Variants in SSX2IP observed in about 807,000 individuals in gnomAD.
The protein encoded by SSX2IP is afadin- and alpha-actinin-binding protein.
Under a neutral mutation model 84.9 loss-of-function variants are expected in SSX2IP, and 55 were observed. The ratio of observed to expected loss-of-function variants is 0.65; its 90% CI spans 0.52 to 0.81. SSX2IP has a LOEUF of 0.81. SSX2IP is among the 30% of genes least tolerant of loss of function. SSX2IP has a pLI of 0.00. For missense variants in SSX2IP, 664 were observed against 705.2 expected, an observed-to-expected ratio of 0.94 and a Z score of 0.66; for synonymous variants, 239 against 234.7, an observed-to-expected ratio of 1.02 and a Z score of -0.17.
chr1:84,690,493 C>CCT (rs1390690201), upstream of SSX2IP: 5 of 152,068 alleles, frequency 3.3e-5, no homozygotes, highest in Non-Finnish European at 5.9e-5. Flanking sequence ...GCTGCGGGCT[C>CCT]CCGCCTTCCC....
intron 6 of SSX2IP, among the ~76,000 whole-genome samples, chr1:84,663,163 A>G (rs767005832): frequency 1.3e-5 from 2 of 152,174 alleles, no homozygotes; most frequent in Non-Finnish European, 2.9e-5. Flanking sequence ...GATAGTAGTA[A>G]TATCTTCTGC....
intron 1 of SSX2IP, among the ~76,000 whole-genome samples, chr1:84,686,423 G>A (rs1207833396): frequency 6.6e-6 from 1 of 152,168 alleles, no homozygotes; most frequent in African/African-American, 2.4e-5. Flanking sequence ...ACAGATAATA[G>A]TGTCATTTAG....
chr1:84,679,611 G>A (rs1262811534), intron 1 of SSX2IP, among the ~76,000 whole-genome samples: 1 of 152,150 alleles, frequency 6.6e-6, no homozygotes, highest in Non-Finnish European at 1.5e-5. Flanking sequence ...TTATTTCCAA[G>A]ATGCTCTCTT....
At chr1:84,683,544 T>C (rs192864919) in intron 1 of SSX2IP, among the ~76,000 whole-genome samples, 3 of 152,302 alleles carry the variant, frequency 2.0e-5, no homozygotes, top group African/African-American at 7.2e-5. Flanking sequence ...CTAACAGGAA[T>C]AAAATTTCTC....
At chr1:84,664,089 G>A (rs1333485362) in intron 6 of SSX2IP, among the ~76,000 whole-genome samples, 1 of 152,114 alleles carries the variant, frequency 6.6e-6, no homozygotes, top group Non-Finnish European at 1.5e-5. Context: ...TACTTCTTTT[G>A]ATACTCAGAA....
At chr1:84,688,121 A>G (rs1254661274) in intron 1 of SSX2IP, among the ~76,000 whole-genome samples, 1 of 152,244 alleles carries the variant, frequency 6.6e-6, no homozygotes, top group Admixed American at 6.5e-5. Context: ...GAATTACTAA[A>G]GAATAATTCA....
At chr1:84,674,162 G>A (rs1007999440) in intron 1 of SSX2IP, among the ~76,000 whole-genome samples, 1 of 152,068 alleles carries the variant, frequency 6.6e-6, no homozygotes, top group African/African-American at 2.4e-5. Flanking sequence ...ATAAATTACC[G>A]TAACAATGAA....
At chr1:84,669,967 T>A in intron 3 of SSX2IP, 74 bp from the exon 4 acceptor site, 1 of 1,062,998 alleles carries the variant, frequency 9.4e-7, no homozygotes, top group Non-Finnish European at 1.4e-6. Context: ...AAACTTTCAG[T>A]TAGATAGGAA....
Position 84,646,178 on chromosome 1 carries a change from TAC to T in SSX2IP, c.*1253_*1254del, listed in dbSNP as rs1380057883. The T allele has an allele frequency of 6.6e-6, 1 of 152,590 alleles. No individual in the cohort carries two copies. Among genetic ancestry groups the T allele is most frequent in the Non-Finnish European group, 1.5e-5 (1 of 68,044 alleles). 9.5% of individuals were successfully genotyped at this position (152,590 alleles called of 1,614,324 possible). A position where few individuals can be genotyped will look rare whatever the true frequency, so the allele number is the denominator to read the frequency against. The stretch of plus-strand genomic sequence containing the variant: ...GGTTGGATCTGTGCAGGCTTCTATG[TAC>T]AGAGACAAGCAGGGTTAGGCACTTA... On this transcript the variant is annotated 3_prime_UTR_variant, in exon 14 of 14. Coordinates refer to ENST00000342203, the MANE Select transcript of SSX2IP (RefSeq NM_001166293.2).
chr1:84,671,330 TA>T, intron 1 of SSX2IP, 22 bp from the exon 2 acceptor site: 1 of 1,471,344 alleles, frequency 6.8e-7, no homozygotes, highest in South Asian at 1.5e-5. Context: ...GATTATAGAA[TA>T]ATAGCATCTA....
At chr1:84,689,316 T>C (rs1656249227) in intron 1 of SSX2IP, among the ~76,000 whole-genome samples, 1 of 152,084 alleles carries the variant, frequency 6.6e-6, no homozygotes, top group Non-Finnish European at 1.5e-5. Flanking sequence ...TCACCAGAAT[T>C]TTCTTCTACC....
intron 12 of SSX2IP, among the ~76,000 whole-genome samples, chr1:84,650,985 G>A (rs909414600): frequency 9.2e-5 from 14 of 152,094 alleles, no homozygotes; most frequent in South Asian, 2.1e-4. Flanking sequence ...GATTACAGGC[G>A]TGAGCCACCG....
chr1:84,647,821 G>C (rs142164992), intron 13 of SSX2IP, among the ~76,000 whole-genome samples: 1 of 151,448 alleles, frequency 6.6e-6, no homozygotes, highest in African/African-American at 2.4e-5. Flanking sequence ...TGAGGCAGCC[G>C]AACTGCTTGA....
chr1:84,644,899 A>G lies in SSX2IP; in HGVS notation c.*2534T>C, dbSNP rs1187425129. 2.0e-5 allele frequency: 3 copies of G among 152,246 alleles called. No individual in the cohort carries two copies. The highest frequency in any genetic ancestry group is 2.9e-5 in the Non-Finnish European group (2 of 68,040). The allele number at this position is 152,246 out of a possible 1,614,324, so 9.4% of individuals were successfully genotyped here. A position where few individuals can be genotyped will look rare whatever the true frequency, so the allele number is the denominator to read the frequency against. On this transcript the variant is annotated 3_prime_UTR_variant, in exon 14 of 14. Transcript: ENST00000342203. ...TCTAATCATTTAATACATTGCTTCT[A>G]TAAGAAAATACTATTTGTTAAATTT...
At chr1:84,686,290 T>A (rs1343517644) in intron 1 of SSX2IP, among the ~76,000 whole-genome samples, 2 of 152,204 alleles carry the variant, frequency 1.3e-5, no homozygotes, top group Non-Finnish European at 2.9e-5. Context: ...AGGGACCAGC[T>A]GGCTGACTTA....
rs34908054 is a variant in SSX2IP at position 84,655,616 on chromosome 1, G to GT, written c.1389+215dup. ...GAAAGCAGTAATAAATGCTTATAGCGTTTTTTTTTCTTAAGTTCAATTCTC... is the reference window on the plus strand; with the variant it reads ...GAAAGCAGTAATAAATGCTTATAGCGTTTTTTTTTTCTTAAGTTCAATTCTC... On this transcript the variant is annotated intron_variant, in intron 11 of 13. Coordinates refer to ENST00000342203, the MANE Select transcript of SSX2IP (RefSeq NM_001166293.2). The GT allele has an allele frequency of 3.4e-3, 4,896 of 1,419,318 alleles. 1 individual carries two copies. The highest frequency in any genetic ancestry group is 8.2e-3 in the East Asian group (287 of 35,192). 87.9% of individuals were successfully genotyped at this position (1,419,318 alleles called of 1,614,324 possible).
At chr1:84,676,712 T>TC (rs1488222519) in intron 1 of SSX2IP, among the ~76,000 whole-genome samples, 19 of 122,590 alleles carry the variant, frequency 1.5e-4, no homozygotes, top group Non-Finnish European at 2.4e-4. Flanking sequence ...GACTCTGTGC[T>TC]CTTTTCCTTT....
chr1:84,649,609 A>G (rs1218013667), intron 13 of SSX2IP: 1 of 173,158 alleles, frequency 5.8e-6, no homozygotes, highest in Non-Finnish European at 1.2e-5. Context: ...CTGTTTTCCA[A>G]GGCCATTATC....
At chr1:84,667,909 C>A (rs1652987963) in intron 4 of SSX2IP, among the ~76,000 whole-genome samples, 3 of 152,140 alleles carry the variant, frequency 2.0e-5, no homozygotes, top group Admixed American at 2.0e-4. Context: ...TGTCTCCCTT[C>A]CCTGGACTGC....
Sources: allele counts gnomAD v4.1 joint callset (sites outside exome capture counted in the v4.1 genomes callset), GRCh38; gene constraint gnomAD v4.1.1; transcripts MANE v1.5; gene names NCBI Gene and HGNC (gene_info 2026-07-23, HGNC 2026-07-21).